PKHD1: variants seen among roughly 807,000 people sequenced by gnomAD.
The protein encoded by PKHD1 is PKHD1 ciliary IPT domain containing fibrocystin/polyductin.
PKHD1 carries 291 observed loss-of-function variants against 412.0 expected under a neutral mutation model. The observed-to-expected ratio is 0.71, with a 90% CI of 0.64 to 0.78. The LOEUF is 0.78. Among genes scored for constraint, PKHD1 ranks in the 30% least tolerant of loss-of-function variants. The pLI is 0.00. For missense variants in PKHD1, 4,825 were observed against 4,950.7 expected (o/e 0.97, Z 0.76); for synonymous variants, 1,777 against 1,821.5 (o/e 0.98, Z 0.62).
chr6:51,962,635 G>C (rs138826155), intron 35 of PKHD1, among the ~76,000 whole-genome samples: 9 of 152,188 alleles, frequency 5.9e-5, no homozygotes, highest in Non-Finnish European at 1.2e-4. Context: ...AAAGTTCATA[G>C]TGATGGAGGC....
At chr6:51,660,601 A>G (rs1308070906) in intron 60 of PKHD1, among the ~76,000 whole-genome samples, 1 of 152,164 alleles carries the variant, frequency 6.6e-6, no homozygotes, top group Non-Finnish European at 1.5e-5. Flanking sequence ...CTTGAATTCA[A>G]TTAACTCGCT....
chr6:51,989,828 T>C (rs1187551462), intron 35 of PKHD1, among the ~76,000 whole-genome samples: 1 of 138,774 alleles, frequency 7.2e-6, no homozygotes, highest in Admixed American at 7.8e-5. Flanking sequence ...TGTCTTAATT[T>C]TTTTTAAACC....
At chr6:51,704,100 T>G (rs1160913383) in intron 60 of PKHD1, among the ~76,000 whole-genome samples, 1 of 152,044 alleles carries the variant, frequency 6.6e-6, no homozygotes, top group Non-Finnish European at 1.5e-5. Flanking sequence ...TCTGACAATT[T>G]TAGTCAACCA....
In PKHD1 at chr6:52,071,485, T is replaced by G. The variant is rs148124371; in HGVS notation, c.603-415A>C. 3.4e-4 allele frequency among the ~76,000 whole-genome samples: 52 copies of G among 152,000 alleles called. 1 individual carries two copies. Among genetic ancestry groups the G allele is most frequent in the Admixed American group, 3.3e-3 (50 of 15,248 alleles). The stretch of plus-strand genomic sequence containing the variant: ...CAGAATACACACCAGTCTGAAAAAG[T>G]GAAACCATAGAGTATCATTCTTGTA... On this transcript the variant is annotated intron_variant, in intron 8 of 66. Coordinates refer to ENST00000371117, the MANE Select transcript of PKHD1 (RefSeq NM_138694.4).
chr6:51,900,298 G>A (rs1781018759), intron 43 of PKHD1, among the ~76,000 whole-genome samples: 1 of 152,160 alleles, frequency 6.6e-6, no homozygotes, highest in Non-Finnish European at 1.5e-5. Context: ...AACCAAAACA[G>A]CATGGTACTG....
chr6:52,021,675 A>G (rs1325547163), intron 33 of PKHD1, among the ~76,000 whole-genome samples: 1 of 152,154 alleles, frequency 6.6e-6, no homozygotes, highest in Non-Finnish European at 1.5e-5. Flanking sequence ...TAATGTGTTT[A>G]TATACATGAT....
intron 21 of PKHD1, among the ~76,000 whole-genome samples, chr6:52,051,366 A>G (rs1806819078): frequency 6.6e-6 from 1 of 152,228 alleles, no homozygotes; most frequent in South Asian, 2.1e-4. Flanking sequence ...GGGGAATATC[A>G]TCAAGTATAA....
chr6:51,925,463 G>GTGTGTGTA (rs1168805966), intron 37 of PKHD1, among the ~76,000 whole-genome samples: 1 of 145,780 alleles, frequency 6.9e-6, no homozygotes, highest in Non-Finnish European at 1.5e-5. Context: ...GTATGTGTGT[G>GTGTGTGTA]TGTGTGTGTG....
intron 35 of PKHD1, among the ~76,000 whole-genome samples, chr6:51,995,842 C>T (rs1336813101): frequency 6.6e-6 from 1 of 152,156 alleles, no homozygotes; most frequent in Non-Finnish European, 1.5e-5. Flanking sequence ...CTAGTTCTAA[C>T]ATTCTAGATA....
chr6:51,991,727 T>C (rs1052775660), intron 35 of PKHD1, among the ~76,000 whole-genome samples: 1 of 152,212 alleles, frequency 6.6e-6, no homozygotes, highest in African/African-American at 2.4e-5. Flanking sequence ...GATTGTTTCT[T>C]AAGACTTCAC....
At chr6:51,758,014 A>AAG (rs10534219) in intron 55 of PKHD1, among the ~76,000 whole-genome samples, 12,627 of 125,800 alleles carry the variant, frequency 0.1, 705 homozygotes, top group Non-Finnish European at 0.11. Context: ...ACCCTGCCAA[A>AAG]AGAGAGAGAG....
At chr6:51,815,602 T>G (rs1277931093) in intron 52 of PKHD1, among the ~76,000 whole-genome samples, 2 of 152,066 alleles carry the variant, frequency 1.3e-5, no homozygotes, top group Non-Finnish European at 2.9e-5. Flanking sequence ...TGGACAACAA[T>G]GCATGCAGGA....
chr6:51,903,468 CCCAAT>C lies in PKHD1; in HGVS notation c.6996+124_6996+128del, dbSNP rs537477499. The C allele has an allele frequency of 8.0e-4, 622 of 778,670 alleles. 4 individuals are homozygous for C. In the African/African-American group the frequency reaches 9.0e-3, roughly 11 times the overall value. The allele number at this position is 778,670 out of a possible 1,614,324, so 48.2% of individuals were successfully genotyped here. A position where few individuals can be genotyped will look rare whatever the true frequency, so the allele number is the denominator to read the frequency against. ...TAGCGTTAGTGCATTTTATGTGTGA[CCCAAT>C]TCTTCCAATGGCAATTATTCTTCCA... is the stretch of plus-strand genomic sequence containing the variant. On this transcript the variant is annotated intron_variant, in intron 43 of 66. Coordinates refer to ENST00000371117, the MANE Select transcript of PKHD1 (RefSeq NM_138694.4).
At chr6:51,992,668 C>T (rs956879134) in intron 35 of PKHD1, among the ~76,000 whole-genome samples, 1 of 152,250 alleles carries the variant, frequency 6.6e-6, no homozygotes, top group African/African-American at 2.4e-5. Flanking sequence ...GCACTGAAGG[C>T]TTCAATGAGA....
At chr6:52,059,794 C>A in intron 15 of PKHD1, 134 bp downstream of exon 15, 1 of 671,676 alleles carries the variant, frequency 1.5e-6, no homozygotes, top group South Asian at 1.6e-5. Flanking sequence ...TCTTTTTCAA[C>A]AATTAAAGTT....
chr6:52,028,150 C>A lies in PKHD1; in HGVS notation c.3560+6G>T. ...AATCCAAAATTAATGCAAGTGGTCA[C>A]CTCACCCTTGTGAGTGAATGCTGAC... On this transcript the variant is annotated splice_donor_region_variant and intron_variant, in intron 30 of 66. Coordinates refer to ENST00000371117, the MANE Select transcript of PKHD1 (RefSeq NM_138694.4). 1 of 1,612,908 alleles carries A rather than the reference C, an allele frequency of 6.2e-7. No individual in the cohort carries two copies. The highest frequency in any genetic ancestry group is 8.5e-7 in the Non-Finnish European group (1 of 1,178,822).
chr6:52,020,536 C>G (rs1391495945), intron 33 of PKHD1, among the ~76,000 whole-genome samples: 2 of 152,180 alleles, frequency 1.3e-5, no homozygotes, highest in African/African-American at 4.8e-5. Flanking sequence ...CAAGAATTCA[C>G]ATTTCTAACA....
intron 34 of PKHD1, among the ~76,000 whole-genome samples, chr6:52,014,699 T>TGG (rs1800263527): frequency 1.1e-4 from 5 of 43,660 alleles, no homozygotes; most frequent in Admixed American, 9.1e-4. Context: ...ATATACTGGA[T>TGG]AGATGGATGG....
At chr6:52,028,773 C>A (rs1158794830) in intron 29 of PKHD1, among the ~76,000 whole-genome samples, 2 of 152,154 alleles carry the variant, frequency 1.3e-5, no homozygotes, top group Non-Finnish European at 2.9e-5. Context: ...TGGCCTCCCA[C>A]AGGGCTGGGA....
Sources: gnomAD v4.1 joint callset for allele counts (sites outside exome capture counted in the v4.1 genomes callset) on GRCh38, gnomAD v4.1.1 for gene constraint, MANE v1.5 for transcripts, NCBI Gene and HGNC (gene_info 2026-07-23, HGNC 2026-07-21) for gene names.